MYO1D: variants seen among roughly 807,000 people sequenced by gnomAD.
The protein encoded by MYO1D is myosin ID.
Under a neutral mutation model 122.0 loss-of-function variants are expected in MYO1D, and 83 were observed. The ratio of observed to expected loss-of-function variants is 0.68; its 90% confidence interval spans 0.57 to 0.82. The LOEUF (loss-of-function observed/expected upper bound fraction) is 0.82. MYO1D is among the 40% of genes least tolerant of loss of function. The pLI, the probability that MYO1D is intolerant of heterozygous loss-of-function variation, is 0.00. For synonymous variants in MYO1D, 464 were observed against 446.9 expected (o/e 1.04, Z -0.48); for missense variants, 1,157 against 1,269.5 (o/e 0.91, Z 1.35).
chr17:32,819,943 T>C (rs1478585797), intron 1 of MYO1D, among the ~76,000 whole-genome samples: 1 of 152,214 alleles, frequency 6.6e-6, no homozygotes, highest in East Asian at 1.9e-4. Flanking sequence ...TAAAACTGAC[T>C]GAGTTAAACT....
intron 8 of MYO1D, among the ~76,000 whole-genome samples, chr17:32,764,250 AT>A (rs2090031514): frequency 6.6e-6 from 1 of 152,214 alleles, no homozygotes; most frequent in South Asian, 2.1e-4. Context: ...TAGAATGGTG[AT>A]TACCAGAGGC....
chr17:32,719,440 C>T (rs2089484529), intron 15 of MYO1D, among the ~76,000 whole-genome samples: 1 of 151,422 alleles, frequency 6.6e-6, no homozygotes, highest in Admixed American at 6.6e-5. Flanking sequence ...AGCTCCGCCT[C>T]CCAGGTTCAG....
chr17:32,538,052 T>C (rs529848859), intron 21 of MYO1D, among the ~76,000 whole-genome samples: 39 of 152,310 alleles, frequency 2.6e-4, no homozygotes, highest in Non-Finnish European at 3.5e-4. Context: ...GTAATGTCTT[T>C]GAACTGGGAA....
chr17:32,556,925 C>T (rs973137841), intron 21 of MYO1D, among the ~76,000 whole-genome samples: 1 of 151,960 alleles, frequency 6.6e-6, no homozygotes, highest in Non-Finnish European at 1.5e-5. Context: ...TGTTTGTTTC[C>T]TTTACAATGT....
At chr17:32,815,208 C>G (rs1459996276) in intron 1 of MYO1D, among the ~76,000 whole-genome samples, 1 of 152,198 alleles carries the variant, frequency 6.6e-6, no homozygotes, top group Non-Finnish European at 1.5e-5. Flanking sequence ...GCTCAAGGCT[C>G]AAATATAATT....
At chr17:32,871,369 A>T (rs1400011257) in intron 1 of MYO1D, among the ~76,000 whole-genome samples, 1 of 152,240 alleles carries the variant, frequency 6.6e-6, no homozygotes, top group Non-Finnish European at 1.5e-5. Context: ...TAAAATGTCT[A>T]AAATGTCAAT....
chr17:32,645,505 C>T (rs1285956106), intron 19 of MYO1D, among the ~76,000 whole-genome samples: 1 of 152,180 alleles, frequency 6.6e-6, no homozygotes, highest in Non-Finnish European at 1.5e-5. Flanking sequence ...TGTTTTCCAA[C>T]TTGGTTACAC....
intron 16 of MYO1D, among the ~76,000 whole-genome samples, chr17:32,660,327 G>A (rs1365847426): frequency 6.6e-6 from 1 of 152,140 alleles, no homozygotes; most frequent in Non-Finnish European, 1.5e-5. Flanking sequence ...TGGCCTTTCA[G>A]AGCCAAGATT....
intron 1 of MYO1D, among the ~76,000 whole-genome samples, chr17:32,833,765 G>A (rs924185271): frequency 6.6e-6 from 1 of 151,920 alleles, no homozygotes; most frequent in African/African-American, 2.4e-5. Flanking sequence ...CCATCAACAG[G>A]TCTCTGCATC....
intron 16 of MYO1D, among the ~76,000 whole-genome samples, chr17:32,677,576 GATAAATATATATAT>G (rs1023618284): frequency 1.0e-5 from 1 of 98,940 alleles, no homozygotes; most frequent in Non-Finnish European, 2.0e-5. Context: ...TATATAGATA[GATAAATATATATAT>G]ATATATATAT....
At chr17:32,753,797 C>T (rs937245844) in intron 11 of MYO1D, among the ~76,000 whole-genome samples, 3 of 151,708 alleles carry the variant, frequency 2.0e-5, no homozygotes, top group Non-Finnish European at 4.4e-5. Context: ...ACTTGGGAGG[C>T]TGAGGCAGGA....
At chr17:32,812,066 T>C (rs1479108468) in intron 1 of MYO1D, among the ~76,000 whole-genome samples, 1 of 152,238 alleles carries the variant, frequency 6.6e-6, no homozygotes, top group African/African-American at 2.4e-5. Flanking sequence ...GGTTTTTCTA[T>C]TACTACTTGT....
At chr17:32,628,550 T>C (rs767135961) in intron 20 of MYO1D, among the ~76,000 whole-genome samples, 1 of 152,206 alleles carries the variant, frequency 6.6e-6, no homozygotes, top group Non-Finnish European at 1.5e-5. Flanking sequence ...TATGTTTGCT[T>C]AGGCTTACAT....
At chr17:32,527,597 G>T (rs541510925) in intron 21 of MYO1D, among the ~76,000 whole-genome samples, 2 of 152,098 alleles carry the variant, frequency 1.3e-5, no homozygotes, top group African/African-American at 4.8e-5. Context: ...GTTTCAGACC[G>T]GCCTGGGCAA....
At chr17:32,645,706 G>A (rs2088281699) in intron 19 of MYO1D, among the ~76,000 whole-genome samples, 1 of 152,078 alleles carries the variant, frequency 6.6e-6, no homozygotes, top group Non-Finnish European at 1.5e-5. Flanking sequence ...AGTTACTGAA[G>A]CTTGTGCATT....
chr17:32,756,533 C>T (rs1392705474), intron 10 of MYO1D, among the ~76,000 whole-genome samples: 1 of 148,700 alleles, frequency 6.7e-6, no homozygotes, highest in East Asian at 2.0e-4. Flanking sequence ...TGTTTGTTAA[C>T]AACCCTTTAT....
At position 32,543,952 on chromosome 17, in the gene MYO1D, C is replaced by T. The variant is rs369645094; in HGVS notation, c.2865-49037G>A. ...GGACTATAGGCGTGTGCCACCACAC[C>T]TGGCTAATTTTTGTATTTTTAGTAG... On this transcript the variant is annotated intron_variant, in intron 21 of 21. Transcript: ENST00000318217. Among the ~76,000 whole-genome samples the T allele has an allele frequency of 9.3e-4, 142 of 152,242 alleles. 1 individual carries two copies. The highest frequency in any genetic ancestry group is 3.3e-3 in the African/African-American group (137 of 41,544).
At chr17:32,803,247 C>T (rs758042139) in intron 1 of MYO1D, among the ~76,000 whole-genome samples, 7 of 152,088 alleles carry the variant, frequency 4.6e-5, no homozygotes, top group East Asian at 1.9e-4. Flanking sequence ...CCCAGGTTCA[C>T]GCCATTCTCC....
At position 32,757,078 on chromosome 17, in the gene MYO1D, T is replaced by C. The variant is rs556832448; in HGVS notation, c.1297-1416A>G. Among the ~76,000 whole-genome samples the C allele has an allele frequency of 1.2e-4, 19 of 152,318 alleles. No homozygotes were observed. The South Asian group carries it at 2.9e-3, about 23-fold the overall frequency. On this transcript the variant is annotated intron_variant, in intron 10 of 21. Transcript: ENST00000318217. ...TCTCCATTACCTTCTATAAGGTCTA[T>C]ATACTCATAATAGACCATTCAAGTG...
Sources: allele counts gnomAD v4.1 joint callset (sites outside exome capture counted in the v4.1 genomes callset), GRCh38; gene constraint gnomAD v4.1.1; transcripts MANE v1.5; gene names NCBI Gene and HGNC (gene_info 2026-07-23, HGNC 2026-07-21).